Variants in EIF4G3 observed in about 807,000 individuals in gnomAD.
The protein encoded by EIF4G3 is eIF-4-gamma 3.
In EIF4G3, 34 loss-of-function variants were observed where a neutral mutation model predicts 186.4. The observed-to-expected ratio is 0.18, with a 90% CI of 0.14 to 0.24. The LOEUF is 0.24. Among genes scored for constraint, EIF4G3 ranks in the 10% least tolerant of loss-of-function variants. The probability of loss-of-function intolerance (pLI) is 1.00; values close to 1 mark genes in which losing one functional copy is unlikely to be tolerated. For synonymous variants in EIF4G3, 673 were observed against 679.5 expected (o/e 0.99, Z 0.15); for missense variants, 1,536 against 1,948.5 (o/e 0.79, Z 3.99).
chr1:21,102,383 A>G (rs2096544292), intron 2 of EIF4G3, among the ~76,000 whole-genome samples: 1 of 152,184 alleles, frequency 6.6e-6, no homozygotes, highest in Admixed American at 6.5e-5. Flanking sequence ...TTTTCCCCCA[A>G]CACTTTGTAC....
chr1:20,873,468 C>T (rs960272197), intron 20 of EIF4G3, among the ~76,000 whole-genome samples: 2 of 152,058 alleles, frequency 1.3e-5, no homozygotes, highest in South Asian at 2.1e-4. Flanking sequence ...AATCAGTATG[C>T]GAGAGTTCTT....
chr1:21,164,360 C>T (rs981156275), intron 2 of EIF4G3, among the ~76,000 whole-genome samples: 3 of 152,286 alleles, frequency 2.0e-5, no homozygotes, highest in Middle Eastern at 3.4e-3. Flanking sequence ...GGTCAAAGTT[C>T]GTTTATCCAA....
At chr1:20,904,995 T>C in intron 14 of EIF4G3, 24 bp from the exon 15 acceptor site, 1 of 1,555,610 alleles carries the variant, frequency 6.4e-7, no homozygotes, top group Non-Finnish European at 8.9e-7. Context: ...TCAGGCCCAT[T>C]ACTTGCCACT....
chr1:20,985,185 G>A (rs1325940656), intron 7 of EIF4G3, among the ~76,000 whole-genome samples: 1 of 152,126 alleles, frequency 6.6e-6, no homozygotes, highest in Non-Finnish European at 1.5e-5. Flanking sequence ...CGGGTGGCAT[G>A]TCCCTCAATC....
intron 10 of EIF4G3, among the ~76,000 whole-genome samples, chr1:20,976,149 C>A (rs1026773075): frequency 6.7e-6 from 1 of 150,146 alleles, no homozygotes; most frequent in Admixed American, 6.6e-5. Context: ...TTTATGTGAA[C>A]CTTGGTTTGT....
At chr1:21,110,296 TTC>T (rs970643829) in intron 2 of EIF4G3, among the ~76,000 whole-genome samples, 2 of 151,530 alleles carry the variant, frequency 1.3e-5, no homozygotes, top group African/African-American at 2.4e-5. Context: ...GAGTAACGTT[TTC>T]TCTTTTTTTT....
Position 20,807,018 on chromosome 1 carries a change from C to A in EIF4G3, c.*301G>T. 1 of 172,700 alleles carries A rather than the reference C, an allele frequency of 5.8e-6. No homozygotes were observed. 10.7% of individuals were successfully genotyped at this position (172,700 alleles called of 1,614,324 possible). ...AAGTTCTCAACTTTTTTTTTTTTTG[C>A]TAAACATTTTTTTAAGTATGAGTCC... On this transcript the variant is annotated 3_prime_UTR_variant, in exon 37 of 37. Coordinates refer to ENST00000602326, the MANE Select transcript of EIF4G3 (RefSeq NM_001391906.1).
At chr1:21,097,813 C>T (rs1029403712) in intron 2 of EIF4G3, among the ~76,000 whole-genome samples, 5 of 151,924 alleles carry the variant, frequency 3.3e-5, no homozygotes, top group African/African-American at 1.2e-4. Context: ...AAAATTAATT[C>T]AAAATGTGTG....
chr1:20,862,154 G>T, intron 23 of EIF4G3, 74 bp downstream of exon 23: 1 of 881,610 alleles, frequency 1.1e-6, no homozygotes, highest in Non-Finnish European at 1.8e-6. Flanking sequence ...TAAACAACAG[G>T]ACATCCTTCC....
At chr1:21,010,425 AAAAAAAAAAAAAG>A (rs1328395713) in intron 4 of EIF4G3, among the ~76,000 whole-genome samples, 3 of 68,916 alleles carry the variant, frequency 4.4e-5, no homozygotes, top group South Asian at 4.5e-4. Flanking sequence ...GTCTCAAAAA[AAAAAAAAAAAAAG>A]AAAAAGAAAA....
chr1:21,164,129 T>C (rs2097814428), intron 2 of EIF4G3, among the ~76,000 whole-genome samples: 1 of 152,098 alleles, frequency 6.6e-6, no homozygotes, highest in South Asian at 2.1e-4. Context: ...GAGTATAACC[T>C]CATATCAATC....
At chr1:21,041,255 T>C (rs564067289) in intron 4 of EIF4G3, among the ~76,000 whole-genome samples, 7 of 152,300 alleles carry the variant, frequency 4.6e-5, no homozygotes, top group African/African-American at 1.7e-4. Flanking sequence ...TCCTCCTTTT[T>C]ATTTTTATTT....
intron 3 of EIF4G3, among the ~76,000 whole-genome samples, chr1:21,065,294 C>T (rs2095176496): frequency 6.7e-6 from 1 of 150,204 alleles, no homozygotes; most frequent in Non-Finnish European, 1.5e-5. Context: ...TATCACTTTC[C>T]AAACACAAAC....
rs114861761 is a variant in EIF4G3, at chr1:21,026,635, G to T, written c.-66-23827C>A. On this transcript the variant is annotated intron_variant, in intron 4 of 36. Transcript: ENST00000602326. ...ACCTACAGAAGAAGAGAAAATATTT[G>T]TAAACTGTACACCTGTTAAAAAGTT... is the stretch of plus-strand genomic sequence containing the variant. Among the ~76,000 whole-genome samples, 868 of 152,128 alleles carry T rather than the reference G, an allele frequency of 5.7e-3. 12 individuals are homozygous for T. Among genetic ancestry groups the T allele is most frequent in the East Asian group, 0.024 (124 of 5,178 alleles).
At chr1:20,835,204 C>T (rs1293457133) in intron 30 of EIF4G3, among the ~76,000 whole-genome samples, 2 of 151,916 alleles carry the variant, frequency 1.3e-5, no homozygotes, top group African/African-American at 4.8e-5. Context: ...CACAACATAC[C>T]GACACTTATA....
intron 3 of EIF4G3, among the ~76,000 whole-genome samples, chr1:21,058,414 T>C (rs1240081859): frequency 5.3e-5 from 8 of 152,144 alleles, no homozygotes; most frequent in African/African-American, 1.9e-4. Context: ...TGACTTCCCA[T>C]ACACACTACA....
intron 29 of EIF4G3, among the ~76,000 whole-genome samples, chr1:20,843,786 T>C (rs1490415828): frequency 1.3e-5 from 2 of 152,236 alleles, no homozygotes; most frequent in Admixed American, 1.3e-4. Context: ...TTATTTTTCC[T>C]GATCCTGTCT....
intron 4 of EIF4G3, among the ~76,000 whole-genome samples, chr1:21,037,038 A>G (rs1378378236): frequency 1.3e-5 from 2 of 152,168 alleles, no homozygotes; most frequent in Non-Finnish European, 2.9e-5. Flanking sequence ...GCATCCTAAA[A>G]AAGACTTTTC....
intron 14 of EIF4G3, among the ~76,000 whole-genome samples, chr1:20,917,429 C>G (rs2094004011): frequency 6.6e-6 from 1 of 152,206 alleles, no homozygotes; most frequent in Non-Finnish European, 1.5e-5. Flanking sequence ...ATGTGTTGAA[C>G]CTGGGAGGTC....
Sources: gnomAD v4.1 joint callset for allele counts (sites outside exome capture counted in the v4.1 genomes callset) on GRCh38, gnomAD v4.1.1 for gene constraint, MANE v1.5 for transcripts, NCBI Gene and HGNC (gene_info 2026-07-23, HGNC 2026-07-21) for gene names.